The following PPP1R13B variants were observed in gnomAD, a reference collection of about 807,000 sequenced individuals.
PPP1R13B encodes protein phosphatase 1 regulatory subunit 13B.
Under a neutral mutation model 119.8 loss-of-function variants are expected in PPP1R13B, and 44 were observed. The observed-to-expected ratio is 0.37, with a 90% CI of 0.29 to 0.47. The LOEUF (loss-of-function observed/expected upper bound fraction) is 0.47, where lower values mean the gene tolerates loss of function less well. Ranked by LOEUF, PPP1R13B falls within the 20% of genes least tolerant of loss-of-function variation. PPP1R13B has a pLI of 0.99. For missense variants in PPP1R13B, 1,227 were observed against 1,413.5 expected (o/e 0.87, Z 2.12); for synonymous variants, 542 against 561.5 (o/e 0.97, Z 0.49).
At chr14:103,842,485 T>C (rs923887584) in intron 1 of PPP1R13B, among the ~76,000 whole-genome samples, 2 of 151,754 alleles carry the variant, frequency 1.3e-5, no homozygotes, top group Non-Finnish European at 2.9e-5. Context: ...GTATTTTTAG[T>C]AGAGATGGGG....
At chr14:103,758,995 G>C (rs1028250303) in intron 4 of PPP1R13B, among the ~76,000 whole-genome samples, 6 of 148,070 alleles carry the variant, frequency 4.1e-5, no homozygotes, top group South Asian at 4.2e-4. Flanking sequence ...GTCTCGCTCT[G>C]TCACCCAGGC....
chr14:103,749,856 C>A lies in PPP1R13B; in HGVS notation c.907G>T (p.Val303Leu). 6.2e-7 allele frequency: 1 copy of A among 1,614,140 alleles called. No individual in the cohort carries two copies. Among genetic ancestry groups the A allele is most frequent in the Non-Finnish European group, 8.5e-7 (1 of 1,180,010 alleles). Residue 303 changes from valine to leucine, a missense_variant, in exon 8 of 17, where the codon GTG becomes TTG. Coordinates refer to ENST00000202556, the MANE Select transcript of PPP1R13B (RefSeq NM_015316.3). The part of the protein sequence containing the change: ...KELLNKRNME[V>L]AMMDKRISEL... Reference sequence around the variant, plus strand: ...CTGATTCGCTTGTCCATCATGGCCACCTCCATGTTGCGCTTATTTAAGAGT... The same window carrying A: ...CTGATTCGCTTGTCCATCATGGCCAACTCCATGTTGCGCTTATTTAAGAGT...
At chr14:103,739,307 T>TG in intron 12 of PPP1R13B, 1 of 414,436 alleles carries the variant, frequency 2.4e-6, no homozygotes, top group Non-Finnish European at 4.3e-6. Flanking sequence ...GAAGACTCTG[T>TG]GGGAGGGAGG....
In PPP1R13B at chr14:103,749,667, G is replaced by GGTTTATGGCCT; in HGVS notation, c.969+116_969+126dup. ...GGAACTCTGTTCTGTCATTTTTGAT[G>GGTTTATGGCCT]GTTTATGGCCTATTTATGTTTTATC... On this transcript the variant is annotated intron_variant, in intron 8 of 16. Coordinates refer to ENST00000202556, the MANE Select transcript of PPP1R13B (RefSeq NM_015316.3). 3.1e-6 allele frequency: 3 copies of GGTTTATGGCCT among 965,180 alleles called. No homozygotes were observed. The Middle Eastern group carries it at 6.8e-4, about 218-fold the overall frequency. The allele number at this position is 965,180 out of a possible 1,614,324, so 59.8% of individuals were successfully genotyped here.
At chr14:103,749,085 G>A (rs572657538) in intron 8 of PPP1R13B, among the ~76,000 whole-genome samples, 25 of 152,264 alleles carry the variant, frequency 1.6e-4, no homozygotes, top group African/African-American at 5.1e-4. Flanking sequence ...TTAAGGAATC[G>A]ACTCATGTGA....
chr14:103,772,644 C>A (rs1420608525), intron 4 of PPP1R13B, among the ~76,000 whole-genome samples: 1 of 151,822 alleles, frequency 6.6e-6, no homozygotes, highest in Non-Finnish European at 1.5e-5. Context: ...TTTGGGGAAG[C>A]ACCTGTTCAA....
chr14:103,796,699 G>A (rs2085766192), intron 2 of PPP1R13B, among the ~76,000 whole-genome samples: 1 of 152,188 alleles, frequency 6.6e-6, no homozygotes, highest in Admixed American at 6.5e-5. Flanking sequence ...GCTCATGCCT[G>A]TAATCCAAGC....
At chr14:103,753,585 A>T (rs1467915206) in intron 6 of PPP1R13B, among the ~76,000 whole-genome samples, 1 of 152,174 alleles carries the variant, frequency 6.6e-6, no homozygotes, top group Non-Finnish European at 1.5e-5. Context: ...AAAAAAAGTG[A>T]GCATCAGCAT....
intron 3 of PPP1R13B, among the ~76,000 whole-genome samples, chr14:103,780,624 C>T (rs2085314808): frequency 6.6e-6 from 1 of 151,060 alleles, no homozygotes; most frequent in African/African-American, 2.4e-5. Context: ...ACCATCCTGG[C>T]CAACATGGTG....
At chr14:103,846,626 G>A (rs1330098102) in intron 1 of PPP1R13B, 10 of 410,012 alleles carry the variant, frequency 2.4e-5, no homozygotes, top group Non-Finnish European at 4.4e-5. Flanking sequence ...TAGGTAAAGG[G>A]AAGGGTCGGT....
In PPP1R13B at chr14:103,754,105, T is replaced by C. The variant is rs761586580; in HGVS notation, c.596A>G (p.Gln199Arg). The C allele has an allele frequency of 6.2e-7, 1 of 1,613,890 alleles. No homozygotes were observed. The highest frequency in any genetic ancestry group is 8.5e-7 in the Non-Finnish European group (1 of 1,180,010). The change falls in exon 6 of 17, where the codon CAA (glutamine) becomes CGA (arginine). Residue 199 changes from glutamine (Q) to arginine (R), a missense_variant. Gln to Arg is a conservative substitution (Grantham distance 43). Coordinates refer to ENST00000202556, the MANE Select transcript of PPP1R13B (RefSeq NM_015316.3). ...KLKKIRAMRG[Q>R]VDYSKIMNGN... ...GTTCATGATTTTGCTGTAGTCGACT[T>C]GTCCTCTCATTGCACGAATTTTCTT...
intron 4 of PPP1R13B, among the ~76,000 whole-genome samples, chr14:103,775,512 T>C (rs1256976481): frequency 6.6e-6 from 1 of 152,176 alleles, no homozygotes; most frequent in African/African-American, 2.4e-5. Flanking sequence ...TGACCTCAGG[T>C]GATCCGCCTA....
At chr14:103,837,846 T>G (rs536627464) in intron 1 of PPP1R13B, among the ~76,000 whole-genome samples, 36 of 152,252 alleles carry the variant, frequency 2.4e-4, no homozygotes, top group African/African-American at 8.4e-4. Context: ...TGGCTGGGCA[T>G]GGCAGCTCAC....
chr14:103,737,448 A>G, intron 15 of PPP1R13B: 2 of 412,098 alleles, frequency 4.9e-6, no homozygotes, highest in Middle Eastern at 6.2e-4. Context: ...TGGTGGGACA[A>G]GCCTGTAGTC....
rs201252881 is a variant in PPP1R13B, at chr14:103,742,042, C to T, written c.1570G>A (p.Val524Ile). 70 of 1,614,202 alleles carry T rather than the reference C, an allele frequency of 4.3e-5. No individual in the cohort carries two copies. The highest frequency in any genetic ancestry group is 1.6e-4 in the Middle Eastern group (1 of 6,062). The change falls in exon 11 of 17, where the codon GTA becomes ATA. Residue 524 changes from valine (V) to isoleucine (I), a missense_variant. Val to Ile is a conservative substitution (Grantham distance 29). Transcript: ENST00000202556. The surrounding 1 kb of genome is among the most constrained non-coding windows in gnomAD (Gnocchi z 4.9). ...GGCGGGTACGTGGGACTTGGCGGTA[C>T]GGAAATCCTCTGCTGAATCTGTTGT... is the stretch of plus-strand genomic sequence containing the variant. The part of the protein sequence containing the change: ...SSQQIQQRIS[V>I]PPSPTYPPAG...
intron 2 of PPP1R13B, among the ~76,000 whole-genome samples, chr14:103,791,929 A>C (rs1180032265): frequency 6.6e-6 from 1 of 152,152 alleles, no homozygotes; most frequent in African/African-American, 2.4e-5. Context: ...CCACATTTTT[A>C]TTCACATTGC....
intron 4 of PPP1R13B, among the ~76,000 whole-genome samples, chr14:103,765,794 A>T (rs2084923618): frequency 6.6e-6 from 1 of 152,168 alleles, no homozygotes; most frequent in East Asian, 1.9e-4. Flanking sequence ...CATTGTTTTG[A>T]TATTCAGGAT....
intron 1 of PPP1R13B, among the ~76,000 whole-genome samples, chr14:103,807,045 A>G (rs1334203521): frequency 6.6e-6 from 1 of 152,206 alleles, no homozygotes; most frequent in East Asian, 1.9e-4. Flanking sequence ...GACCTGCAAC[A>G]CACACATGCA....
In PPP1R13B at chr14:103,741,257, G is replaced by C. The variant is rs138451240; in HGVS notation, c.1822+533C>G. Among the ~76,000 whole-genome samples, 125 of 152,378 alleles carry C rather than the reference G, an allele frequency of 8.2e-4. 1 individual carries two copies. The highest frequency in any genetic ancestry group is 2.9e-3 in the African/African-American group (121 of 41,594). On this transcript the variant is annotated intron_variant, in intron 11 of 16. Transcript: ENST00000202556. The stretch of plus-strand genomic sequence containing the variant: ...GGAAACACCATCAGCCTCTGTGGTA[G>C]GTGTGGAACTAAGCTACCTTCTCTC...
Sources: allele counts gnomAD v4.1 joint callset (sites outside exome capture counted in the v4.1 genomes callset), GRCh38; gene constraint gnomAD v4.1.1; non-coding constraint Gnocchi (gnomAD v3.1); transcripts MANE v1.5; gene names NCBI Gene and HGNC (gene_info 2026-07-23, HGNC 2026-07-21).